LAMP5: variants seen among roughly 807,000 people sequenced by gnomAD.
The protein encoded by LAMP5 is lysosome associated membrane protein 5, also known as lysosome-associated membrane glycoprotein 5.
In LAMP5, 36 loss-of-function variants were observed where a neutral mutation model predicts 30.2. That is an observed-to-expected ratio of 1.19 (90% CI 0.91 to 1.57). LAMP5 has a LOEUF of 1.57. Among genes scored for constraint, LAMP5 ranks in the 40% most tolerant of loss-of-function variants. The probability of loss-of-function intolerance (pLI) is 0.00; values close to 1 mark genes in which losing one functional copy is unlikely to be tolerated. For synonymous variants in LAMP5, 149 were observed against 134.6 expected, an observed-to-expected ratio of 1.11 and a Z score of -0.74; for missense variants, 377 against 354.9, an observed-to-expected ratio of 1.06 and a Z score of -0.50.
At chr20:9,525,103 G>A (rs879486063) in intron 5 of LAMP5, among the ~76,000 whole-genome samples, 9 of 151,886 alleles carry the variant, frequency 5.9e-5, no homozygotes, top group Admixed American at 2.0e-4. Context: ...AAAGATAATC[G>A]TCTGAGAAAT....
chr20:9,527,511 T>C (rs1267760494), intron 5 of LAMP5, among the ~76,000 whole-genome samples: 3 of 152,100 alleles, frequency 2.0e-5, no homozygotes, highest in African/African-American at 7.2e-5. Context: ...TCAGGCAAGG[T>C]GAGAGAAGGG....
intron 4 of LAMP5, 111 bp from the exon 5 acceptor site, chr20:9,517,929 A>G: frequency 2.3e-6 from 2 of 876,754 alleles, no homozygotes; most frequent in Non-Finnish European, 3.5e-6. Context: ...AAGGGAACAG[A>G]GAGGACAGGA....
intron 4 of LAMP5, among the ~76,000 whole-genome samples, chr20:9,516,788 G>A (rs749670666): frequency 6.6e-6 from 1 of 152,176 alleles, no homozygotes; most frequent in African/African-American, 2.4e-5. Context: ...CAGTCAGGAT[G>A]TGATGGCCTT....
At chr20:9,528,101 A>C (rs1302893077) in intron 5 of LAMP5, among the ~76,000 whole-genome samples, 1 of 152,244 alleles carries the variant, frequency 6.6e-6, no homozygotes, top group Non-Finnish European at 1.5e-5. Context: ...GTGCATATAC[A>C]TAATTGAATA....
chr20:9,528,368 T>C (rs1474090445), intron 5 of LAMP5, among the ~76,000 whole-genome samples: 1 of 151,900 alleles, frequency 6.6e-6, no homozygotes, highest in East Asian at 1.9e-4. Flanking sequence ...GAGAGGTTGG[T>C]TAATGAGTAC....
At chr20:9,514,970 A>G (rs1391684067) in intron 1 of LAMP5, 54 bp downstream of exon 1, 2 of 1,498,388 alleles carry the variant, frequency 1.3e-6, no homozygotes, top group East Asian at 4.5e-5. Context: ...TGCAGAGAAC[A>G]GAGCCGGCAA....
At chr20:9,519,601 A>T (rs912761020) in intron 5 of LAMP5, among the ~76,000 whole-genome samples, 1 of 152,252 alleles carries the variant, frequency 6.6e-6, no homozygotes, top group Non-Finnish European at 1.5e-5. Flanking sequence ...AAAATGTAAC[A>T]GTCAGTGTCT....
At chr20:9,524,710 T>G (rs2045101766) in intron 5 of LAMP5, among the ~76,000 whole-genome samples, 1 of 151,128 alleles carries the variant, frequency 6.6e-6, no homozygotes, top group Non-Finnish European at 1.5e-5. Flanking sequence ...ATATATTACA[T>G]AAGACCATGG....
chr20:9,529,384 T>A (rs2045134733), intron 5 of LAMP5, among the ~76,000 whole-genome samples: 1 of 152,246 alleles, frequency 6.6e-6, no homozygotes, highest in Admixed American at 6.5e-5. Context: ...TTAAATAAGT[T>A]ATCTGGATGT....
rs1441104786 is a variant in LAMP5 at position 9,514,846 on chromosome 20, T to G, written c.-7T>G. 3 of 1,613,962 alleles carry G rather than the reference T, an allele frequency of 1.9e-6. No homozygotes were observed. Among genetic ancestry groups the G allele is most frequent in the African/African-American group, 2.7e-5 (2 of 74,918 alleles). ...GCACAGCCGGCCTCATTCGGGGCAC[T>G]GCGAGTATGGATCTCCAAGGAAGAG... On this transcript the variant is annotated 5_prime_UTR_variant, in exon 1 of 6. Coordinates refer to ENST00000246070, the MANE Select transcript of LAMP5 (RefSeq NM_012261.4).
At chr20:9,524,711 A>G (rs560521579) in intron 5 of LAMP5, among the ~76,000 whole-genome samples, 49 of 152,198 alleles carry the variant, frequency 3.2e-4, no homozygotes, top group African/African-American at 1.1e-3. Flanking sequence ...TATATTACAT[A>G]AGACCATGGA....
At position 9,518,051 on chromosome 20, in the gene LAMP5, A is replaced by G. The variant is rs1343541598; in HGVS notation, c.487A>G (p.Thr163Ala). 2.5e-6 allele frequency: 4 copies of G among 1,613,460 alleles called. No homozygotes were observed. The highest frequency in any genetic ancestry group is 2.5e-6 in the Non-Finnish European group (3 of 1,179,956). Residue 163 changes from threonine to alanine, a missense_variant, in exon 5 of 6, where the codon ACA becomes GCA. Physicochemically the swap from Thr to Ala is moderately conservative, Grantham distance 58. Transcript: ENST00000246070. The stretch of plus-strand genomic sequence containing the variant: ...GGCTCTTGCTGTAGCTGGGAAGCAC[A>G]CAGCCAACTCGCACCACCTCTCTGC... ...FKDAVSAGKH[T>A]ANSHHLSALV... is the part of the protein sequence containing the mutation.
At chr20:9,516,493 T>A (rs1394130673) in intron 4 of LAMP5, 132 bp downstream of exon 4, 9 of 762,276 alleles carry the variant, frequency 1.2e-5, no homozygotes, top group Middle Eastern at 3.6e-4. Context: ...CTCGGCTTGC[T>A]CTTTAGGGCG....
At chr20:9,515,015 C>A in intron 1 of LAMP5, 99 bp downstream of exon 1, 2 of 1,107,002 alleles carry the variant, frequency 1.8e-6, no homozygotes, top group Admixed American at 2.0e-5. Flanking sequence ...AAAAATATGG[C>A]CCTTAATGTT....
At position 9,529,839 on chromosome 20, in the gene LAMP5, C is replaced by A. The variant is rs2045138666; in HGVS notation, c.*19C>A. 1.2e-6 allele frequency: 2 copies of A among 1,611,316 alleles called. No homozygotes were observed. Among genetic ancestry groups the A allele is most frequent in the South Asian group, 2.2e-5 (2 of 90,942 alleles). ...GGGCTAGAGGCCGTTAGGCAGGCAC[C>A]CCCTATTCCTGCTCCCCCAACTGGA... On this transcript the variant is annotated 3_prime_UTR_variant, in exon 6 of 6. Coordinates refer to ENST00000246070, the MANE Select transcript of LAMP5 (RefSeq NM_012261.4).
rs989365527 is a variant in LAMP5 at position 9,514,902 on chromosome 20, T to C, written c.50T>C (p.Leu17Pro). ...GVPSIDRLRV[L>P]LMLFHTMAQI... ...CCCAGCATCGACAGACTTCGAGTTC[T>C]CCTGATGTTGTTCCGTGAGTAGCGA... Residue 17 changes from leucine (L) to proline (P), a missense_variant, in exon 1 of 6, where the codon CTC becomes CCC. Coordinates refer to ENST00000246070, the MANE Select transcript of LAMP5 (RefSeq NM_012261.4). 15 of 1,613,968 alleles carry C rather than the reference T, an allele frequency of 9.3e-6. No homozygotes were observed. The highest frequency in any genetic ancestry group is 2.2e-5 in the East Asian group (1 of 44,888).
chr20:9,518,010 T>C (rs28665741), intron 4 of LAMP5, 30 bp from the exon 5 acceptor site: 49 of 1,599,130 alleles, frequency 3.1e-5, no homozygotes, highest in Non-Finnish European at 3.8e-5. Flanking sequence ...CAATGAGGGT[T>C]CTAACTATTG....
intron 1 of LAMP5, 24 bp from the exon 2 acceptor site, chr20:9,515,429 G>T (rs746113219): frequency 6.2e-7 from 1 of 1,606,866 alleles, no homozygotes; most frequent in South Asian, 1.1e-5. Context: ...CTGAACTGAT[G>T]GAATTGTTTT....
At chr20:9,527,453 T>C (rs2045121967) in intron 5 of LAMP5, among the ~76,000 whole-genome samples, 1 of 152,160 alleles carries the variant, frequency 6.6e-6, no homozygotes, top group Non-Finnish European at 1.5e-5. Flanking sequence ...TCTCCACTAA[T>C]TGTTATTATT....
Sources: gnomAD v4.1 joint callset for allele counts (sites outside exome capture counted in the v4.1 genomes callset) on GRCh38, gnomAD v4.1.1 for gene constraint, MANE v1.5 for transcripts, NCBI Gene and HGNC (gene_info 2026-07-23, HGNC 2026-07-21) for gene names.